SUGT1: variants seen among roughly 807,000 people sequenced by gnomAD.
The protein encoded by SUGT1 is protein SGT1 homolog.
SUGT1 carries 15 observed loss-of-function variants against 56.1 expected under a neutral mutation model. The observed-to-expected ratio is 0.27, with a 90% CI of 0.18 to 0.41. The LOEUF is 0.41. SUGT1 is among the 10% of genes least tolerant of loss of function. SUGT1 has a pLI of 1.00. For synonymous variants in SUGT1, 123 were observed against 128.6 expected (o/e 0.96, Z 0.30); for missense variants, 347 against 382.2 (o/e 0.91, Z 0.77).
chr13:52,660,568 G>A (rs1962397071), intron 5 of SUGT1, among the ~76,000 whole-genome samples: 1 of 152,142 alleles, frequency 6.6e-6, no homozygotes, highest in African/African-American at 2.4e-5. Context: ...CAGAAAAAAG[G>A]ATTTTAGCAC....
At chr13:52,674,090 T>G (rs1338561348) in intron 10 of SUGT1, among the ~76,000 whole-genome samples, 1 of 133,638 alleles carries the variant, frequency 7.5e-6, no homozygotes, top group Non-Finnish European at 1.5e-5. Flanking sequence ...AGTCTCGCTC[T>G]GTTGCCCAGG....
intron 5 of SUGT1, among the ~76,000 whole-genome samples, chr13:52,662,299 A>G (rs1021148075): frequency 3.9e-5 from 6 of 152,200 alleles, no homozygotes; most frequent in African/African-American, 1.4e-4. Context: ...AACTGATGGC[A>G]TATTGGGAGT....
At chr13:52,684,546 C>A (rs1182946829) in intron 12 of SUGT1, among the ~76,000 whole-genome samples, 1 of 151,256 alleles carries the variant, frequency 6.6e-6, no homozygotes, top group Non-Finnish European at 1.5e-5. Context: ...TCTATCTATT[C>A]ACTCATTTTT....
At chr13:52,668,789 A>C (rs7994484) in intron 10 of SUGT1, among the ~76,000 whole-genome samples, 144,522 of 151,052 alleles carry the variant, frequency 0.96, 69,153 homozygotes, top group East Asian at 0.99. Flanking sequence ...TGAGATCACT[A>C]CGTTGCACTC....
At position 52,693,440 on chromosome 13, in the gene SUGT1, A is replaced by G. The variant is rs1043371533; in HGVS notation, c.*5605A>G. 7.2e-5 allele frequency: 11 copies of G among 152,286 alleles called. No homozygotes were observed. Among genetic ancestry groups the G allele is most frequent in the African/African-American group, 2.2e-4 (9 of 41,570 alleles). The allele number at this position is 152,286 out of a possible 1,614,324, so 9.4% of individuals were successfully genotyped here. The stretch of plus-strand genomic sequence containing the variant: ...AAACAATTGCGCATACTATTAATAT[A>G]TATTTAGAGCTTTTGTTAAGTACAT... On this transcript the variant is annotated 3_prime_UTR_variant, in exon 13 of 13. Transcript: ENST00000310528.
At position 52,659,181 on chromosome 13, in the gene SUGT1, T is replaced by G; in HGVS notation, c.260T>G (p.Ile87Arg). 6.6e-7 allele frequency: 1 copy of G among 1,508,842 alleles called. No individual in the cohort carries two copies. The highest frequency in any genetic ancestry group is 8.8e-7 in the Non-Finnish European group (1 of 1,136,092). 93.5% of individuals were successfully genotyped at this position (1,508,842 alleles called of 1,614,324 possible). A position where few individuals can be genotyped will look rare whatever the true frequency, so the allele number is the denominator to read the frequency against. ...TTGTTTTAAATATATTCATGCAGAATATGTGAATACCATGAAAAAAACTAT... is the reference window on the plus strand; with the variant it reads ...TTGTTTTAAATATATTCATGCAGAAGATGTGAATACCATGAAAAAAACTAT... Reference protein sequence around the residue: ...NNSTAMLRKGICEYHEKNYAA... With the variant: ...NNSTAMLRKGRCEYHEKNYAA... Residue 87 changes from isoleucine (I) to arginine (R), a missense_variant and splice_region_variant, in exon 5 of 13, where the codon ATA (isoleucine) becomes AGA (arginine). Transcript: ENST00000310528.
intron 12 of SUGT1, among the ~76,000 whole-genome samples, chr13:52,685,284 T>C (rs1325418981): frequency 7.5e-6 from 1 of 133,968 alleles, no homozygotes; most frequent in African/African-American, 2.9e-5. Context: ...TTTGTAGAGA[T>C]AAGGTCTCCT....
Position 52,700,681 on chromosome 13 carries a change from T to G in SUGT1, c.*12846T>G, listed in dbSNP as rs1013166091. ...TACATCTTCATGTTTGAGATACGCT[T>G]TTAGGACTGTCTATGCATGTAGACT... On this transcript the variant is annotated 3_prime_UTR_variant, in exon 13 of 13. Coordinates refer to ENST00000310528, the MANE Select transcript of SUGT1 (RefSeq NM_006704.5). 2 of 152,280 alleles carry G rather than the reference T, an allele frequency of 1.3e-5. No homozygotes were observed. Among genetic ancestry groups the G allele is most frequent in the Admixed American group, 6.5e-5 (1 of 15,290 alleles). 9.4% of individuals were successfully genotyped at this position (152,280 alleles called of 1,614,324 possible). A position where few individuals can be genotyped will look rare whatever the true frequency, so the allele number is the denominator to read the frequency against.
In SUGT1 at chr13:52,689,476, C is replaced by T. The variant is rs934157926; in HGVS notation, c.*1641C>T. ...ATAGTTGAGGACGTATAGCACTATA[C>T]CAGAGACAAGAATGCTTAGCTCTAG... On this transcript the variant is annotated 3_prime_UTR_variant, in exon 13 of 13. Transcript: ENST00000310528. The T allele has an allele frequency of 2.6e-5, 4 of 152,156 alleles. No individual in the cohort carries two copies. Among genetic ancestry groups the T allele is most frequent in the African/African-American group, 9.7e-5 (4 of 41,420 alleles). The allele number at this position is 152,156 out of a possible 1,614,324, so 9.4% of individuals were successfully genotyped here. A position where few individuals can be genotyped will look rare whatever the true frequency, so the allele number is the denominator to read the frequency against.
intron 12 of SUGT1, 124 bp from the exon 13 acceptor site, chr13:52,687,610 G>C: frequency 2.0e-6 from 1 of 506,196 alleles, no homozygotes; most frequent in Non-Finnish European, 3.3e-6. Context: ...GTATTGCATA[G>C]AGTTTATATT....
Position 52,658,068 on chromosome 13 carries a change from T to C in SUGT1, c.188-331T>C, listed in dbSNP as rs1962249860. 6 of 1,208,954 alleles carry C rather than the reference T, an allele frequency of 5.0e-6. No individual in the cohort carries two copies. The South Asian group carries it at 8.2e-5, about 17-fold the overall frequency. 74.9% of individuals were successfully genotyped at this position (1,208,954 alleles called of 1,614,324 possible). A position where few individuals can be genotyped will look rare whatever the true frequency, so the allele number is the denominator to read the frequency against. On this transcript the variant is annotated intron_variant, in intron 3 of 12. Transcript: ENST00000310528. ...AAGACCACCTGTATTTAAAAAGTAA[T>C]GTATTTCTGTATTTTGTACCTTCTG...
In SUGT1 at chr13:52,659,220, A is replaced by G. The variant is rs369653420; in HGVS notation, c.299A>G (p.Glu100Gly). ...YHEKNYAAAL[E>G]TFTEGQKLDS... ...GAAAAAAACTATGCTGCTGCCCTAGAAACTTTTACAGAAGGACAAAAATTA... is the reference window on the plus strand; with the variant it reads ...GAAAAAAACTATGCTGCTGCCCTAGGAACTTTTACAGAAGGACAAAAATTA... Residue 100 changes from glutamate (E) to glycine (G), a missense_variant, in exon 5 of 13, where the codon GAA becomes GGA. Coordinates refer to ENST00000310528, the MANE Select transcript of SUGT1 (RefSeq NM_006704.5). The G allele has an allele frequency of 1.6e-5, 24 of 1,485,766 alleles. No individual in the cohort carries two copies. Among genetic ancestry groups the G allele is most frequent in the Non-Finnish European group, 2.0e-5 (23 of 1,124,916 alleles). The allele number at this position is 1,485,766 out of a possible 1,614,324, so 92.0% of individuals were successfully genotyped here.
chr13:52,658,955 G>T (rs1200647277), intron 4 of SUGT1, among the ~76,000 whole-genome samples: 3 of 151,824 alleles, frequency 2.0e-5, no homozygotes, highest in African/African-American at 7.3e-5. Flanking sequence ...AAGCAAGTCT[G>T]TACAATTAAA....
intron 5 of SUGT1, 49 bp from the exon 6 acceptor site, chr13:52,662,600 T>C (rs753413107): frequency 6.3e-7 from 1 of 1,588,480 alleles, no homozygotes; most frequent in African/African-American, 1.3e-5. Flanking sequence ...ATTTGTTGAT[T>C]TATAGGTTGT....
intron 12 of SUGT1, chr13:52,687,508 T>G (rs1239811858): frequency 3.8e-6 from 1 of 265,808 alleles, no homozygotes. Context: ...TTTATGGAAC[T>G]TGTTAACCTC....
intron 4 of SUGT1, 61 bp from the exon 5 acceptor site, chr13:52,659,118 G>T: frequency 7.5e-7 from 1 of 1,336,526 alleles, no homozygotes; most frequent in South Asian, 1.5e-5. Context: ...TTTTTATTTA[G>T]AAAGAAGGTA....
chr13:52,679,822 C>A, intron 11 of SUGT1, 152 bp from the exon 12 acceptor site: 1 of 618,276 alleles, frequency 1.6e-6, no homozygotes, highest in Non-Finnish European at 2.5e-6. Flanking sequence ...TGTTATTGAC[C>A]TATATACCAG....
Position 52,690,446 on chromosome 13 carries a change from G to A in SUGT1, c.*2611G>A, listed in dbSNP as rs1269063495. 6.6e-6 allele frequency: 1 copy of A among 152,076 alleles called. No homozygotes were observed. Among genetic ancestry groups the A allele is most frequent in the Non-Finnish European group, 1.5e-5 (1 of 68,006 alleles). The allele number at this position is 152,076 out of a possible 1,614,324, so 9.4% of individuals were successfully genotyped here. On this transcript the variant is annotated 3_prime_UTR_variant, in exon 13 of 13. Transcript: ENST00000310528. ...GTATTAGTAGCCTTTTGTTTCTTCA[G>A]AATGTATGTATTTTTCCTCTTAAAT...
Position 52,653,081 on chromosome 13 carries a change from A to G in SUGT1, c.74A>G (p.Glu25Gly), listed in dbSNP as rs749214320. Residue 25 changes from glutamate (E) to glycine (G), a missense_variant, in exon 2 of 13, where the codon GAG becomes GGG. By Grantham distance (98) the Glu-to-Gly change is moderately conservative. Coordinates refer to ENST00000310528, the MANE Select transcript of SUGT1 (RefSeq NM_006704.5). ...FQSFSDALID[E>G]DPQAALEELT... is the part of the protein sequence containing the mutation. ...AGCTTCTCGGATGCCCTAATCGACG[A>G]GGACCCCCAGGCGGCGTTAGAGGTG... The G allele has an allele frequency of 8.1e-6, 13 of 1,614,010 alleles. No individual in the cohort carries two copies. In the South Asian group the frequency reaches 1.4e-4, roughly 18 times the overall value.
Sources: allele counts gnomAD v4.1 joint callset (sites outside exome capture counted in the v4.1 genomes callset), GRCh38; gene constraint gnomAD v4.1.1; transcripts MANE v1.5; gene names NCBI Gene and HGNC (gene_info 2026-07-23, HGNC 2026-07-21).